PDE4B: variants seen among roughly 807,000 people sequenced by gnomAD.
The protein encoded by PDE4B is phosphodiesterase 4B.
PDE4B carries 20 observed loss-of-function variants against 82.2 expected under a neutral mutation model. That is an observed-to-expected ratio of 0.24 (90% CI 0.17 to 0.35). The LOEUF (loss-of-function observed/expected upper bound fraction) is 0.35. PDE4B is among the 10% of genes least tolerant of loss of function. The probability of loss-of-function intolerance (pLI) is 1.00; values close to 1 mark genes in which losing one functional copy is unlikely to be tolerated. For missense variants in PDE4B, 655 were observed against 907.2 expected (o/e 0.72, Z 3.57); for synonymous variants, 320 against 318.9 (o/e 1.00, Z -0.04).
Position 66,257,841 on chromosome 1 carries a change from A to G in PDE4B, c.562A>G (p.Asn188Asp). 6.2e-7 allele frequency: 1 copy of G among 1,613,084 alleles called. No homozygotes were observed. The highest frequency in any genetic ancestry group is 8.5e-7 in the Non-Finnish European group (1 of 1,179,150). The change falls in exon 6 of 17, where the codon AAC (asparagine) becomes GAC (aspartate). Residue 188 changes from asparagine to aspartate, a missense_variant. Physicochemically the swap from Asn to Asp is conservative, Grantham distance 23 (BLOSUM62 1). Around this residue, in one of 3 missense-constraint regions of PDE4B, gnomAD observed 253 missense variants for 275.6 expected, o/e 0.92. Coordinates refer to ENST00000341517, the MANE Select transcript of PDE4B (RefSeq NM_002600.4). The stretch of plus-strand genomic sequence containing the variant: ...GAGAAACAACTTCACTATACTGACA[A>G]ACCTTCATGGTACATCTAACAAGTA... ...SVRNNFTILT[N>D]LHGTSNKRSP...
chr1:66,164,439 G>C (rs956795360), intron 3 of PDE4B, among the ~76,000 whole-genome samples: 4 of 147,068 alleles, frequency 2.7e-5, no homozygotes, highest in Non-Finnish European at 6.0e-5. Flanking sequence ...GGGAGGCTGA[G>C]GCAGGAGAAT....
At chr1:66,000,096 C>G (rs1269698425) in intron 3 of PDE4B, among the ~76,000 whole-genome samples, 2 of 152,126 alleles carry the variant, frequency 1.3e-5, no homozygotes, top group Non-Finnish European at 2.9e-5. Context: ...ATCATACCTC[C>G]TAGTCTGTAG....
At chr1:65,948,845 G>A (rs1029371783) in intron 3 of PDE4B, among the ~76,000 whole-genome samples, 1 of 152,062 alleles carries the variant, frequency 6.6e-6, no homozygotes, top group Non-Finnish European at 1.5e-5. Flanking sequence ...TTGGGTCACA[G>A]AACTGGCTCA....
chr1:66,088,003 A>T (rs568458035), intron 3 of PDE4B, among the ~76,000 whole-genome samples: 20 of 152,010 alleles, frequency 1.3e-4, no homozygotes, highest in African/African-American at 4.3e-4. Flanking sequence ...ATGTACCCTA[A>T]AACTTAAAGT....
chr1:65,821,024 AT>A (rs1461220752), intron 1 of PDE4B, among the ~76,000 whole-genome samples: 3 of 152,186 alleles, frequency 2.0e-5, no homozygotes, highest in Non-Finnish European at 4.4e-5. Context: ...GCTACTTGGA[AT>A]TTTAATAAAG....
chr1:65,870,175 A>G (rs1646557567), intron 1 of PDE4B, among the ~76,000 whole-genome samples: 1 of 152,180 alleles, frequency 6.6e-6, no homozygotes, highest in South Asian at 2.1e-4. Context: ...GTTCTTATGC[A>G]TTTATATTCT....
intron 15 of PDE4B, 124 bp downstream of exon 15, chr1:66,368,189 G>C (rs1557734319): frequency 1.1e-6 from 1 of 893,606 alleles, no homozygotes; most frequent in East Asian, 2.7e-5. Context: ...TATAGCTTAG[G>C]GCTTATTTTA....
chr1:66,126,309 C>G (rs1176442092), intron 3 of PDE4B, among the ~76,000 whole-genome samples: 1 of 152,114 alleles, frequency 6.6e-6, no homozygotes, highest in Non-Finnish European at 1.5e-5. Context: ...ACAAAATAAT[C>G]AAGATGATAA....
intron 1 of PDE4B, among the ~76,000 whole-genome samples, chr1:65,897,320 A>G (rs1178418100): frequency 1.3e-5 from 2 of 152,124 alleles, no homozygotes; most frequent in Admixed American, 1.3e-4. Flanking sequence ...GAATCTTCAA[A>G]TGCCTATCAT....
At chr1:65,823,075 T>C (rs1645972310) in intron 1 of PDE4B, among the ~76,000 whole-genome samples, 2 of 152,062 alleles carry the variant, frequency 1.3e-5, no homozygotes, top group Admixed American at 1.3e-4. Flanking sequence ...TTCTTATTCT[T>C]CTCTCCTGTT....
chr1:66,193,127 T>G (rs1178765233), intron 3 of PDE4B, among the ~76,000 whole-genome samples: 1 of 152,206 alleles, frequency 6.6e-6, no homozygotes, highest in Non-Finnish European at 1.5e-5. Flanking sequence ...CCTGACTTCA[T>G]GATCATATAT....
intron 3 of PDE4B, among the ~76,000 whole-genome samples, chr1:65,993,321 A>T (rs370009967): frequency 4.6e-5 from 7 of 152,322 alleles, no homozygotes; most frequent in African/African-American, 1.7e-4. Flanking sequence ...CTAAATTGTC[A>T]TTGTGCTACT....
intron 3 of PDE4B, among the ~76,000 whole-genome samples, chr1:66,031,115 A>T (rs1336868256): frequency 6.6e-6 from 1 of 152,188 alleles, no homozygotes; most frequent in Non-Finnish European, 1.5e-5. Flanking sequence ...TCCATAATAA[A>T]AGTTGAAATT....
At chr1:65,838,274 C>T (rs1174493965) in intron 1 of PDE4B, among the ~76,000 whole-genome samples, 2 of 151,676 alleles carry the variant, frequency 1.3e-5, no homozygotes, top group Non-Finnish European at 2.9e-5. Context: ...TGTTCTAGAT[C>T]ATCAAAAAAA....
chr1:66,305,712 C>T (rs12085570), intron 7 of PDE4B, among the ~76,000 whole-genome samples: 2,820 of 152,218 alleles, frequency 0.019, 93 homozygotes, highest in African/African-American at 0.065. Flanking sequence ...CTGACTGTCT[C>T]ATTGGATAGT....
intron 3 of PDE4B, among the ~76,000 whole-genome samples, chr1:66,163,272 C>T (rs1354860213): frequency 6.6e-6 from 1 of 152,166 alleles, no homozygotes. Flanking sequence ...CATCACATCC[C>T]ATACACTGAT....
chr1:65,999,295 G>A (rs1233727400), intron 3 of PDE4B, among the ~76,000 whole-genome samples: 1 of 152,082 alleles, frequency 6.6e-6, no homozygotes, highest in Non-Finnish European at 1.5e-5. Flanking sequence ...TATGCTAGAA[G>A]CATTTAAGCG....
intron 3 of PDE4B, among the ~76,000 whole-genome samples, chr1:66,246,880 A>G (rs535217824): frequency 6.6e-6 from 1 of 152,358 alleles, no homozygotes; most frequent in South Asian, 2.1e-4. Context: ...AAATTTGCAG[A>G]TGAATATTAA....
intron 3 of PDE4B, among the ~76,000 whole-genome samples, chr1:66,075,883 T>C (rs1225666288): frequency 7.2e-6 from 1 of 138,818 alleles, no homozygotes; most frequent in African/African-American, 2.7e-5. Context: ...GGCAACTCAT[T>C]CACATTTAAA....
Sources: allele counts gnomAD v4.1 joint callset (sites outside exome capture counted in the v4.1 genomes callset), GRCh38; gene constraint gnomAD v4.1.1; regional missense constraint gnomAD v4.1.1; transcripts MANE v1.5; gene names NCBI Gene and HGNC (gene_info 2026-07-23, HGNC 2026-07-21).